IL2RB: variants seen among roughly 807,000 people sequenced by gnomAD.
IL2RB encodes the protein interleukin 2 receptor subunit beta.
A neutral mutation model predicts 44.2 loss-of-function variants in IL2RB; 17 were observed. The observed-to-expected ratio is 0.38, with a 90% CI of 0.26 to 0.58. The LOEUF (loss-of-function observed/expected upper bound fraction) is 0.58, where lower values mean the gene tolerates loss of function less well. IL2RB is among the 20% of genes least tolerant of loss of function. The probability of loss-of-function intolerance (pLI) is 0.63; values close to 1 mark genes in which losing one functional copy is unlikely to be tolerated. For synonymous variants in IL2RB, 286 were observed against 297.9 expected (o/e 0.96, Z 0.41); for missense variants, 624 against 685.5 (o/e 0.91, Z 1.00).
intron 5 of IL2RB, 100 bp from the exon 6 acceptor site, chr22:37,137,835 C>T (rs1232537377): frequency 2.8e-6 from 3 of 1,082,026 alleles, no homozygotes; most frequent in Non-Finnish European, 4.1e-6. Context: ...ACCACCTCCC[C>T]TACCCCCCGA....
At chr22:37,163,926 G>A (rs1022151720) in intron 1 of IL2RB, among the ~76,000 whole-genome samples, 2 of 152,230 alleles carry the variant, frequency 1.3e-5, no homozygotes, top group Non-Finnish European at 2.9e-5. Context: ...TGTGAGAAAC[G>A]GCCCCAAAGT....
intron 8 of IL2RB, among the ~76,000 whole-genome samples, chr22:37,133,055 T>C (rs1921510149): frequency 2.0e-5 from 3 of 152,204 alleles, no homozygotes; most frequent in African/African-American, 4.8e-5. Flanking sequence ...AGAGGCACCA[T>C]TTTTGATTTG....
intron 1 of IL2RB, among the ~76,000 whole-genome samples, chr22:37,157,426 G>A (rs1168979048): frequency 6.6e-6 from 1 of 152,132 alleles, no homozygotes; most frequent in Non-Finnish European, 1.5e-5. Flanking sequence ...GTTCTTCCCT[G>A]TTCATCCGGG....
chr22:37,164,121 C>T (rs1298592306), intron 1 of IL2RB, among the ~76,000 whole-genome samples: 4 of 152,180 alleles, frequency 2.6e-5, no homozygotes, highest in Admixed American at 6.5e-5. Context: ...CAGAGCAGAG[C>T]GGAAAGCAAC....
chr22:37,135,505 G>A, intron 7 of IL2RB, 63 bp from the exon 8 acceptor site: 4 of 1,074,972 alleles, frequency 3.7e-6, no homozygotes, highest in Middle Eastern at 4.4e-4. Context: ...CTCACCCTGG[G>A]TCGGTCACCC....
upstream of IL2RB, among the ~76,000 whole-genome samples, chr22:37,152,420 T>C (rs998901380): frequency 9.9e-5 from 15 of 152,250 alleles, no homozygotes; most frequent in African/African-American, 3.6e-4. Flanking sequence ...GTTGATTTTG[T>C]ATTCTGCAGC....
upstream of IL2RB, among the ~76,000 whole-genome samples, chr22:37,151,294 T>C (rs1374737941): frequency 6.6e-6 from 1 of 152,216 alleles, no homozygotes; most frequent in Non-Finnish European, 1.5e-5. Flanking sequence ...AATATCTCAT[T>C]GTAGTTTTGA....
rs181682997 is a variant in IL2RB, at chr22:37,143,455, G to A, written c.203+66C>T. ...GTAAACGTTGACTCCTTGGAGTCCA[G>A]TGCATAGGATCCAGAATATGAGATC... is the stretch of plus-strand genomic sequence containing the variant. On this transcript the variant is annotated intron_variant, in intron 3 of 9. Transcript: ENST00000216223. 2.2e-4 allele frequency: 236 copies of A among 1,083,250 alleles called. 4 individuals carry two copies. In the Admixed American group the frequency reaches 4.1e-3, roughly 19 times the overall value. 67.1% of individuals were successfully genotyped at this position (1,083,250 alleles called of 1,614,324 possible).
At chr22:37,149,689 G>T in intron 1 of IL2RB, 136 bp downstream of exon 1, 1 of 275,170 alleles carries the variant, frequency 3.6e-6, no homozygotes, top group Non-Finnish European at 5.5e-6. Flanking sequence ...GGAATTCTAA[G>T]ACAAAGTTGG....
In IL2RB at chr22:37,137,524, C is replaced by T. The variant is rs3218291; in HGVS notation, c.537+63G>A. The T allele has an allele frequency of 1.6e-3, 2,495 of 1,557,536 alleles. 34 individuals are homozygous for T. In the African/African-American group the frequency reaches 0.03, roughly 19 times the overall value. ...GGACCTCGACACAATGAAAAAGGGA[C>T]AGGACATGGACCAGGACAGGAAGGA... On this transcript the variant is annotated intron_variant, in intron 6 of 9. Transcript: ENST00000216223.
intron 4 of IL2RB, among the ~76,000 whole-genome samples, chr22:37,140,325 T>C (rs1601600897): frequency 7.2e-6 from 1 of 137,934 alleles, no homozygotes; most frequent in Non-Finnish European, 1.6e-5. Flanking sequence ...TTATTATTAT[T>C]ATTACTATTA....
chr22:37,162,713 T>A (rs1353605584), intron 1 of IL2RB, among the ~76,000 whole-genome samples: 1 of 152,120 alleles, frequency 6.6e-6, no homozygotes, highest in Admixed American at 6.5e-5. Context: ...ACCAAATCCC[T>A]GACCCCCACC....
At chr22:37,172,966 C>T (rs890388264) in intron 1 of IL2RB, among the ~76,000 whole-genome samples, 4 of 152,134 alleles carry the variant, frequency 2.6e-5, no homozygotes, top group Non-Finnish European at 5.9e-5. Context: ...TAGCTCAGGT[C>T]CTGGATGAGC....
Position 37,141,634 on chromosome 22 carries a change from G to C in IL2RB, c.282+800C>G, listed in dbSNP as rs1345558668. ...TGCTCCCACTGTCTGGCCTCCTCCT[G>C]CTCCAGTGCCCACTCCAATCTCAGA... On this transcript the variant is annotated intron_variant, in intron 4 of 9. Transcript: ENST00000216223. The surrounding 1 kb of genome is among the most constrained non-coding windows in gnomAD (Gnocchi z 4.4). 6.6e-6 allele frequency among the ~76,000 whole-genome samples: 1 copy of C among 152,172 alleles called. No homozygotes were observed. Among genetic ancestry groups the C allele is most frequent in the Non-Finnish European group, 1.5e-5 (1 of 68,024 alleles).
At chr22:37,159,088 C>T (rs1324514095) in intron 1 of IL2RB, among the ~76,000 whole-genome samples, 1 of 152,184 alleles carries the variant, frequency 6.6e-6, no homozygotes, top group Non-Finnish European at 1.5e-5. Context: ...ATTCTCTTTG[C>T]TTTTTCTTAT....
intron 2 of IL2RB, 100 bp from the exon 3 acceptor site, chr22:37,143,735 G>A: frequency 1.2e-6 from 1 of 837,330 alleles, no homozygotes; most frequent in Non-Finnish European, 2.0e-6. Flanking sequence ...CCTGCCAGAG[G>A]AGGAGGTGGG....
rs1921197511 is a variant in IL2RB, at chr22:37,127,792, A to G, written c.*304T>C. ...TATTGGTGAATAGCTGCAGGGCTGG[A>G]GAGGAGCGATGCTTCTGAGCCTAAA... On this transcript the variant is annotated 3_prime_UTR_variant, in exon 10 of 10. Transcript: ENST00000216223. 3 of 257,906 alleles carry G rather than the reference A, an allele frequency of 1.2e-5. No individual in the cohort carries two copies. The highest frequency in any genetic ancestry group is 2.2e-5 in the Non-Finnish European group (3 of 136,330). The allele number at this position is 257,906 out of a possible 1,614,324, so 16.0% of individuals were successfully genotyped here.
In IL2RB at chr22:37,143,572, T is replaced by C; in HGVS notation, c.152A>G (p.Asp51Gly). The change falls in exon 3 of 10, where the codon GAT (aspartate) becomes GGT (glycine). Residue 51 changes from aspartate (D) to glycine (G), a missense_variant. This residue lies in a region of IL2RB where 78 missense variants were observed against 70.0 expected (regional missense o/e 1.11). Coordinates refer to ENST00000216223, the MANE Select transcript of IL2RB (RefSeq NM_000878.5). ...GCAGGAAGTGTCCTGCAGAGCCCCA[T>C]CTTGGCTCCAGACACAGGAGATGTT... ...RANISCVWSQDGALQDTSCQV... is the reference protein window; with the variant it reads ...RANISCVWSQGGALQDTSCQV... The C allele has an allele frequency of 6.2e-7, 1 of 1,614,026 alleles. No homozygotes were observed. Among genetic ancestry groups the C allele is most frequent in the Non-Finnish European group, 8.5e-7 (1 of 1,179,966 alleles).
intron 3 of IL2RB, 99 bp from the exon 4 acceptor site, chr22:37,142,611 GGC>G: frequency 7.8e-7 from 1 of 1,274,266 alleles, no homozygotes; most frequent in Non-Finnish European, 1.1e-6. Context: ...GATGGCACCA[GGC>G]AGCAAGGCCA....
Sources: allele counts gnomAD v4.1 joint callset (sites outside exome capture counted in the v4.1 genomes callset), GRCh38; gene constraint gnomAD v4.1.1; regional missense constraint gnomAD v4.1.1; non-coding constraint Gnocchi (gnomAD v3.1); transcripts MANE v1.5; gene names NCBI Gene and HGNC (gene_info 2026-07-23, HGNC 2026-07-21).